PPP2R5A: variants seen among roughly 807,000 people sequenced by gnomAD.
PPP2R5A encodes serine/threonine-protein phosphatase 2A 56 kDa regulatory subunit alpha isoform.
A neutral mutation model predicts 64.2 loss-of-function variants in PPP2R5A; 25 were observed. The observed-to-expected ratio is 0.39, with a 90% CI of 0.28 to 0.54. The LOEUF (loss-of-function observed/expected upper bound fraction) is 0.54, where lower values mean the gene tolerates loss of function less well. Ranked by LOEUF, PPP2R5A falls within the 20% of genes least tolerant of loss-of-function variation. The probability of loss-of-function intolerance (pLI) is 0.67; values close to 1 mark genes in which losing one functional copy is unlikely to be tolerated. For missense variants in PPP2R5A, 425 were observed against 576.3 expected (o/e 0.74, Z 2.69); for synonymous variants, 198 against 201.2 (o/e 0.98, Z 0.13).
chr1:212,316,785 A>G (rs1422485136), intron 1 of PPP2R5A, among the ~76,000 whole-genome samples: 1 of 151,690 alleles, frequency 6.6e-6, no homozygotes, highest in Non-Finnish European at 1.5e-5. Flanking sequence ...TTACTGTAAG[A>G]GTTGGTTGGG....
chr1:212,356,485 C>T (rs1659979285), intron 8 of PPP2R5A, 141 bp from the exon 9 acceptor site: 2 of 730,758 alleles, frequency 2.7e-6, no homozygotes, highest in Non-Finnish European at 4.2e-6. Flanking sequence ...TAAAGCTGAG[C>T]AGAAAGTCTA....
chr1:212,321,935 C>T (rs1441928785), intron 1 of PPP2R5A, among the ~76,000 whole-genome samples: 11 of 151,970 alleles, frequency 7.2e-5, no homozygotes, highest in African/African-American at 1.9e-4. Context: ...TCTGCCATCC[C>T]GGCACCTCGG....
At chr1:212,309,570 A>G in intron 1 of PPP2R5A, 1 of 702,234 alleles carries the variant, frequency 1.4e-6, no homozygotes. Context: ...TTCTTTGAAC[A>G]TATATAATGA....
At chr1:212,301,841 A>C (rs1658803918) in intron 1 of PPP2R5A, 1 of 1,255,448 alleles carries the variant, frequency 8.0e-7, no homozygotes, top group African/African-American at 1.5e-5. Context: ...TGTAGCATGA[A>C]TCCTATATGA....
chr1:212,320,667 GGCTGGCCGGGCGGGGGGCTGACCCCCCCA>G (rs1659260352), intron 1 of PPP2R5A, among the ~76,000 whole-genome samples: 2 of 111,104 alleles, frequency 1.8e-5, no homozygotes, highest in Non-Finnish European at 2.1e-5. Context: ...CGGATGGGGC[GGCTGGCCGGGCGGGGGGCTGACCCCCCCA>G]CCTCCCTCCC....
intron 1 of PPP2R5A, among the ~76,000 whole-genome samples, chr1:212,310,177 G>T (rs1358571585): frequency 1.3e-5 from 2 of 152,058 alleles, no homozygotes; most frequent in African/African-American, 4.8e-5. Context: ...TAATGCTTTG[G>T]GGCACACATT....
chr1:212,328,249 C>T (rs1241630217), intron 1 of PPP2R5A, among the ~76,000 whole-genome samples: 1 of 152,126 alleles, frequency 6.6e-6, no homozygotes, highest in Non-Finnish European at 1.5e-5. Flanking sequence ...AATTTAGCTT[C>T]AGTACCATAA....
At chr1:212,295,119 G>A (rs1351429560) in intron 1 of PPP2R5A, among the ~76,000 whole-genome samples, 1 of 152,126 alleles carries the variant, frequency 6.6e-6, no homozygotes, top group Non-Finnish European at 1.5e-5. Flanking sequence ...AATGGATGTA[G>A]GCAATTTATT....
chr1:212,341,504 A>G (rs1040460785), intron 3 of PPP2R5A, among the ~76,000 whole-genome samples: 11 of 152,158 alleles, frequency 7.2e-5, no homozygotes, highest in Non-Finnish European at 1.6e-4. Flanking sequence ...TAGTGATTAA[A>G]TTGAGGTAGG....
chr1:212,298,816 G>A, intron 1 of PPP2R5A, among the ~76,000 whole-genome samples: 1 of 36,660 alleles, frequency 2.7e-5, no homozygotes, highest in African/African-American at 2.8e-4. Context: ...TCACTTCCCA[G>A]TAGGGGCGGC....
chr1:212,351,353 G>A (rs1571610946), intron 8 of PPP2R5A, among the ~76,000 whole-genome samples: 1 of 152,182 alleles, frequency 6.6e-6, no homozygotes, highest in East Asian at 1.9e-4. Flanking sequence ...TATTACTTGG[G>A]TTTAAGCCTT....
At chr1:212,333,152 C>A (rs186753801) in intron 2 of PPP2R5A, among the ~76,000 whole-genome samples, 1 of 152,142 alleles carries the variant, frequency 6.6e-6, no homozygotes, top group African/African-American at 2.4e-5. Flanking sequence ...GTCTGCCCCC[C>A]TCGGCCTCCC....
chr1:212,339,516 T>C (rs189904445), intron 3 of PPP2R5A, among the ~76,000 whole-genome samples: 67 of 152,278 alleles, frequency 4.4e-4, no homozygotes, highest in African/African-American at 1.5e-3. Context: ...ATCATCTCTT[T>C]AGTGGTGCTA....
At chr1:212,359,439 C>A (rs1056304617) in intron 12 of PPP2R5A, among the ~76,000 whole-genome samples, 2 of 152,136 alleles carry the variant, frequency 1.3e-5, no homozygotes, top group Non-Finnish European at 2.9e-5. Flanking sequence ...ACGTATCAGC[C>A]TTTAGGAACA....
intron 1 of PPP2R5A, among the ~76,000 whole-genome samples, chr1:212,287,633 G>T (rs1181467394): frequency 6.6e-6 from 1 of 152,170 alleles, no homozygotes; most frequent in Non-Finnish European, 1.5e-5. Context: ...TCATTTGATT[G>T]CTCTTTAGCA....
At chr1:212,299,547 AAGTT>A (rs1443037663) in intron 1 of PPP2R5A, 1 of 152,158 alleles carries the variant, frequency 6.6e-6, no homozygotes, top group Non-Finnish European at 1.5e-5. Context: ...TAGAGGAAAA[AAGTT>A]AGGTCAGGAT....
At chr1:212,322,185 AGGGAGAGGGAGACCGTG>A (rs1438925592) in intron 1 of PPP2R5A, among the ~76,000 whole-genome samples, 5 of 135,898 alleles carry the variant, frequency 3.7e-5, no homozygotes, top group African/African-American at 8.2e-5. Flanking sequence ...GTGGAAAGAG[AGGGAGAGGGAGACCGTG>A]GGGAGAGGGA....
intron 1 of PPP2R5A, among the ~76,000 whole-genome samples, chr1:212,327,748 A>G (rs181639348): frequency 1.1e-3 from 164 of 152,160 alleles, no homozygotes; most frequent in Admixed American, 2.0e-3. Context: ...CAGGCATTGT[A>G]TTAGATACTA....
intron 8 of PPP2R5A, among the ~76,000 whole-genome samples, chr1:212,350,780 CAAATA>C (rs1280011982): frequency 1.3e-5 from 2 of 151,856 alleles, no homozygotes; most frequent in Admixed American, 6.6e-5. Flanking sequence ...AAATAGTATA[CAAATA>C]AAATTTTATT....
Sources: gnomAD v4.1 joint callset for allele counts (sites outside exome capture counted in the v4.1 genomes callset) on GRCh38, gnomAD v4.1.1 for gene constraint, MANE v1.5 for transcripts, NCBI Gene and HGNC (gene_info 2026-07-23, HGNC 2026-07-21) for gene names.